KCNMA1: variants seen among roughly 807,000 people sequenced by gnomAD.
The protein encoded by KCNMA1 is potassium calcium-activated channel subfamily M alpha 1.
Under a neutral mutation model 140.0 loss-of-function variants are expected in KCNMA1, and 29 were observed. That is an observed-to-expected ratio of 0.21 (90% CI 0.15 to 0.28). KCNMA1 has a LOEUF of 0.28. Ranked by LOEUF, KCNMA1 falls within the 10% of genes least tolerant of loss-of-function variation. The probability of loss-of-function intolerance (pLI) is 1.00; values close to 1 mark genes in which losing one functional copy is unlikely to be tolerated. For synonymous variants in KCNMA1, 612 were observed against 611.9 expected (o/e 1.00, Z 0.00); for missense variants, 880 against 1,602.2 (o/e 0.55, Z 7.70).
At chr10:76,895,192 G>A (rs762658873) in intron 25 of KCNMA1, among the ~76,000 whole-genome samples, 7 of 151,942 alleles carry the variant, frequency 4.6e-5, no homozygotes, top group Non-Finnish European at 7.4e-5. Context: ...CCTCTCACAC[G>A]CACCCCCTTA....
chr10:77,017,875 C>A (rs2092345334), intron 17 of KCNMA1, among the ~76,000 whole-genome samples: 1 of 151,800 alleles, frequency 6.6e-6, no homozygotes. Flanking sequence ...CATGGGGTTG[C>A]GTGAGAGTTT....
At chr10:77,182,758 T>C (rs1331866515) in intron 5 of KCNMA1, among the ~76,000 whole-genome samples, 2 of 152,156 alleles carry the variant, frequency 1.3e-5, no homozygotes, top group South Asian at 2.1e-4. Flanking sequence ...AACGCAGCAA[T>C]GAGAAACTTG....
chr10:77,027,972 G>T, intron 15 of KCNMA1, 81 bp from the exon 16 acceptor site: 1 of 1,241,332 alleles, frequency 8.1e-7, no homozygotes, highest in South Asian at 1.2e-5. Context: ...CGATCTTTCG[G>T]TCTCCTAATG....
intron 22 of KCNMA1, among the ~76,000 whole-genome samples, chr10:76,946,960 G>A (rs2064169701): frequency 1.3e-5 from 2 of 152,206 alleles, no homozygotes; most frequent in East Asian, 1.9e-4. Context: ...GCTTGAGTAT[G>A]TTAAATTTTG....
At chr10:77,564,819 G>A (rs796511862) in intron 1 of KCNMA1, among the ~76,000 whole-genome samples, 14 of 152,254 alleles carry the variant, frequency 9.2e-5, no homozygotes, top group Admixed American at 4.6e-4. Flanking sequence ...GTCAGAGGGC[G>A]GACTCTTTGG....
At chr10:77,298,906 G>A (rs568556452) in intron 2 of KCNMA1, among the ~76,000 whole-genome samples, 2 of 152,372 alleles carry the variant, frequency 1.3e-5, no homozygotes, top group Non-Finnish European at 2.9e-5. Context: ...GGCCTGGGCA[G>A]AGACTGCCCT....
At chr10:76,987,078 G>A (rs1205498628) in intron 19 of KCNMA1, among the ~76,000 whole-genome samples, 2 of 126,376 alleles carry the variant, frequency 1.6e-5, no homozygotes, top group Non-Finnish European at 3.4e-5. Flanking sequence ...TTTTTTTTTT[G>A]CCTCTGGTTC....
intron 5 of KCNMA1, among the ~76,000 whole-genome samples, chr10:77,152,200 G>A (rs2098425347): frequency 1.3e-5 from 2 of 152,150 alleles, no homozygotes; most frequent in South Asian, 2.1e-4. Context: ...TGAAATTTAA[G>A]TCCTGGTTCT....
At chr10:76,916,079 C>G (rs1041603315) in intron 23 of KCNMA1, among the ~76,000 whole-genome samples, 4 of 151,996 alleles carry the variant, frequency 2.6e-5, no homozygotes, top group Non-Finnish European at 5.9e-5. Flanking sequence ...TACATACACA[C>G]AATATAATAA....
intron 1 of KCNMA1, among the ~76,000 whole-genome samples, chr10:77,576,004 C>A (rs1166622101): frequency 6.6e-6 from 1 of 152,224 alleles, no homozygotes. Context: ...ATGTTTCTAG[C>A]CTTAGGCTTC....
intron 1 of KCNMA1, among the ~76,000 whole-genome samples, chr10:77,573,160 A>G (rs2072351568): frequency 6.6e-6 from 1 of 152,204 alleles, no homozygotes; most frequent in Admixed American, 6.5e-5. Context: ...ATCAGCTTAA[A>G]AGTCCTTCCC....
In KCNMA1 at chr10:76,887,524, G is replaced by A. The variant is rs2037637917; in HGVS notation, c.3462-9C>T. The A allele has an allele frequency of 3.1e-6, 5 of 1,614,106 alleles. No individual in the cohort carries two copies. The East Asian group carries it at 8.9e-5, about 29-fold the overall frequency. ...GGTTGGTGATGACATACCTGGACAGGGAAAGCAGAGATGTCACCTCCTGAG... is the reference window on the plus strand; with the variant it reads ...GGTTGGTGATGACATACCTGGACAGAGAAAGCAGAGATGTCACCTCCTGAG... On this transcript the variant is annotated splice_polypyrimidine_tract_variant and intron_variant, in intron 27 of 27. Transcript: ENST00000286628.
chr10:76,977,326 T>C (rs2077922837), intron 19 of KCNMA1, among the ~76,000 whole-genome samples: 1 of 152,190 alleles, frequency 6.6e-6, no homozygotes, highest in Non-Finnish European at 1.5e-5. Context: ...TGTTTACATT[T>C]TTAAGTCATT....
intron 3 of KCNMA1, among the ~76,000 whole-genome samples, chr10:77,211,829 T>A (rs1476440091): frequency 6.6e-6 from 1 of 152,056 alleles, no homozygotes; most frequent in Non-Finnish European, 1.5e-5. Flanking sequence ...TACAAGTGGC[T>A]AACAAACATG....
chr10:77,602,630 C>T (rs2083034757), intron 1 of KCNMA1, among the ~76,000 whole-genome samples: 1 of 152,042 alleles, frequency 6.6e-6, no homozygotes, highest in African/African-American at 2.4e-5. Context: ...GAGGTGCTTC[C>T]CTGCCCCACA....
At chr10:76,971,368 C>T (rs950631627) in intron 19 of KCNMA1, among the ~76,000 whole-genome samples, 2 of 152,130 alleles carry the variant, frequency 1.3e-5, no homozygotes, top group African/African-American at 2.4e-5. Flanking sequence ...TTAGAGCATG[C>T]ATTATATGGT....
intron 14 of KCNMA1, among the ~76,000 whole-genome samples, chr10:77,062,656 A>G (rs2095798676): frequency 6.6e-6 from 1 of 152,222 alleles, no homozygotes; most frequent in African/African-American, 2.4e-5. Context: ...AGACTAAGCT[A>G]CCACCAAGGG....
At chr10:77,129,633 A>G (rs962275883) in intron 5 of KCNMA1, among the ~76,000 whole-genome samples, 2 of 152,202 alleles carry the variant, frequency 1.3e-5, no homozygotes, top group African/African-American at 4.8e-5. Flanking sequence ...TAGTCTTGAC[A>G]ATAGGAGAAA....
chr10:77,213,047 G>A (rs992197628), intron 3 of KCNMA1, among the ~76,000 whole-genome samples: 10 of 151,652 alleles, frequency 6.6e-5, no homozygotes, highest in African/African-American at 2.2e-4. Context: ...GTTGACTATC[G>A]TTTATTTCTG....
Sources: gnomAD v4.1 joint callset for allele counts (sites outside exome capture counted in the v4.1 genomes callset) on GRCh38, gnomAD v4.1.1 for gene constraint, MANE v1.5 for transcripts, NCBI Gene and HGNC (gene_info 2026-07-23, HGNC 2026-07-21) for gene names.